The following RNF24 variants were observed in gnomAD, a reference collection of about 807,000 sequenced individuals.
The protein encoded by RNF24 is ring finger protein 24.
RNF24 carries 14 observed loss-of-function variants against 20.0 expected under a neutral mutation model. That is an observed-to-expected ratio of 0.70 (90% CI 0.46 to 1.10). The LOEUF (loss-of-function observed/expected upper bound fraction) is 1.10, where lower values mean the gene tolerates loss of function less well. RNF24 is among the 50% of genes least tolerant of loss of function. RNF24 has a pLI of 0.00. For missense variants in RNF24, 124 were observed against 177.6 expected, an observed-to-expected ratio of 0.70 and a Z score of 1.71; for synonymous variants, 45 against 61.1, an observed-to-expected ratio of 0.74 and a Z score of 1.23.
In RNF24 at chr20:3,939,256, G is replaced by T. The variant is rs187437572; in HGVS notation, c.229-4183C>A. On this transcript the variant is annotated intron_variant, in intron 4 of 5. Coordinates refer to ENST00000358395, the MANE Select transcript of RNF24 (RefSeq NM_001134337.3). The stretch of plus-strand genomic sequence containing the variant: ...GGAGCTTCCCCCTCAGCCCCCTGAG[G>T]AGCTGGGATTACAGGCATGTGTCAT... Among the ~76,000 whole-genome samples, 12 of 152,234 alleles carry T rather than the reference G, an allele frequency of 7.9e-5. No individual in the cohort carries two copies. The East Asian group carries it at 1.5e-3, about 20-fold the overall frequency.
At chr20:3,994,872 C>T (rs1980736796) in intron 1 of RNF24, among the ~76,000 whole-genome samples, 1 of 152,120 alleles carries the variant, frequency 6.6e-6, no homozygotes, top group South Asian at 2.1e-4. Context: ...ACTGCACGTA[C>T]TAAAAGTGAA....
At position 3,932,634 on chromosome 20, in the gene RNF24, G is replaced by C. The variant is rs1293092576; in HGVS notation, c.*1429C>G. The C allele has an allele frequency of 3.3e-6, 1 of 303,150 alleles. No homozygotes were observed. Among genetic ancestry groups the C allele is most frequent in the African/African-American group, 2.1e-5 (1 of 46,744 alleles). 18.8% of individuals were successfully genotyped at this position (303,150 alleles called of 1,614,324 possible). A position where few individuals can be genotyped will look rare whatever the true frequency, so the allele number is the denominator to read the frequency against. On this transcript the variant is annotated 3_prime_UTR_variant, in exon 6 of 6. Coordinates refer to ENST00000358395, the MANE Select transcript of RNF24 (RefSeq NM_001134337.3). The stretch of plus-strand genomic sequence containing the variant: ...TCCCTCCATCCATTCTCCATGTCAC[G>C]CAGACTGTATTCCTAATGAAAAACT...
chr20:3,954,848 G>A (rs1444336171), intron 2 of RNF24, among the ~76,000 whole-genome samples: 1 of 151,168 alleles, frequency 6.6e-6, no homozygotes, highest in South Asian at 2.1e-4. Flanking sequence ...GCAGTGAGCC[G>A]AGATCGCGCC....
At chr20:3,987,975 A>C (rs1416383005) in intron 1 of RNF24, among the ~76,000 whole-genome samples, 1 of 152,172 alleles carries the variant, frequency 6.6e-6, no homozygotes, top group Non-Finnish European at 1.5e-5. Context: ...CACATATGTA[A>C]GCATCTTCAC....
intron 1 of RNF24, among the ~76,000 whole-genome samples, chr20:3,982,904 T>C (rs1005517963): frequency 1.3e-5 from 2 of 152,112 alleles, no homozygotes; most frequent in African/African-American, 2.4e-5. Context: ...ACAAACAAAG[T>C]GAGACCTTTA....
intron 1 of RNF24, among the ~76,000 whole-genome samples, chr20:4,012,707 T>C (rs6084547): frequency 0.1 from 15,756 of 152,238 alleles, 1,135 homozygotes; most frequent in South Asian, 0.23. Flanking sequence ...TGCTAAACTA[T>C]GGGTTGGCAA....
At chr20:3,992,219 TTCCATGTCTTTGA>T (rs1203110222) in intron 1 of RNF24, among the ~76,000 whole-genome samples, 1 of 152,240 alleles carries the variant, frequency 6.6e-6, no homozygotes, top group Non-Finnish European at 1.5e-5. Flanking sequence ...CTAGGAAATC[TTCCATGTCTTTGA>T]TCTCTTTTGG....
At chr20:4,004,055 C>T (rs1329094002) in intron 1 of RNF24, among the ~76,000 whole-genome samples, 1 of 152,182 alleles carries the variant, frequency 6.6e-6, no homozygotes, top group Non-Finnish European at 1.5e-5. Flanking sequence ...TTTTCATCCT[C>T]ATTCTCCACT....
chr20:3,983,065 T>C (rs1166817687), intron 1 of RNF24, among the ~76,000 whole-genome samples: 1 of 152,224 alleles, frequency 6.6e-6, no homozygotes, highest in Non-Finnish European at 1.5e-5. Flanking sequence ...CCCTCCACCA[T>C]GTTATGATGC....
intron 1 of RNF24, among the ~76,000 whole-genome samples, chr20:3,971,128 A>G (rs1428163598): frequency 6.6e-6 from 1 of 152,222 alleles, no homozygotes; most frequent in East Asian, 1.9e-4. Flanking sequence ...AAAAATCTTG[A>G]AAGCAACTAA....
intron 1 of RNF24, among the ~76,000 whole-genome samples, chr20:3,983,599 G>A (rs1189219138): frequency 6.6e-6 from 1 of 152,062 alleles, no homozygotes; most frequent in East Asian, 1.9e-4. Context: ...TAAACACAGT[G>A]ACTTTCTGTG....
chr20:3,953,132 G>A (rs1285658569), intron 2 of RNF24, among the ~76,000 whole-genome samples: 1 of 152,096 alleles, frequency 6.6e-6, no homozygotes, highest in African/African-American at 2.4e-5. Flanking sequence ...TTGTGGGAAT[G>A]TTTTAAAAAT....
chr20:3,950,669 A>C (rs1461193555), intron 2 of RNF24, among the ~76,000 whole-genome samples: 2 of 152,240 alleles, frequency 1.3e-5, no homozygotes, highest in African/African-American at 2.4e-5. Context: ...TTTTAGACAG[A>C]AAAGTTGCAA....
At chr20:3,953,937 A>G (rs1017118085) in intron 2 of RNF24, among the ~76,000 whole-genome samples, 14 of 151,440 alleles carry the variant, frequency 9.2e-5, no homozygotes, top group Non-Finnish European at 1.8e-4. Context: ...TTATATTTTT[A>G]GTAGAGATGG....
At chr20:4,010,766 A>T (rs1336674823) in intron 1 of RNF24, among the ~76,000 whole-genome samples, 1 of 152,232 alleles carries the variant, frequency 6.6e-6, no homozygotes, top group Non-Finnish European at 1.5e-5. Context: ...ATGCCTAAAC[A>T]GTGGTCACAA....
Position 3,975,425 on chromosome 20 carries a change from G to GT in RNF24, c.-7-11402dup, listed in dbSNP as rs202158897. Among the ~76,000 whole-genome samples, 65 of 151,514 alleles carry GT rather than the reference G, an allele frequency of 4.3e-4. No individual in the cohort carries two copies. In the East Asian group the frequency reaches 5.6e-3, roughly 13 times the overall value. ...ACACTGGACTTCATTGAAATGAAATGTTTTTTTTGCTTTGAAAAACTGTCA... is the reference window on the plus strand; with the variant it reads ...ACACTGGACTTCATTGAAATGAAATGTTTTTTTTTGCTTTGAAAAACTGTCA... On this transcript the variant is annotated intron_variant, in intron 1 of 5. Coordinates refer to ENST00000358395, the MANE Select transcript of RNF24 (RefSeq NM_001134337.3).
rs2090798909 is a variant in RNF24, at chr20:3,930,032, A to ATG, written c.*4030_*4031insCA. ...ATGAGTAGAAAAGGAGAAAAATTAT[A>ATG]TAGACACACATACACATGTGTGTAC... On this transcript the variant is annotated 3_prime_UTR_variant, in exon 6 of 6. Coordinates refer to ENST00000358395, the MANE Select transcript of RNF24 (RefSeq NM_001134337.3). 6.6e-6 allele frequency: 1 copy of ATG among 152,218 alleles called. No individual in the cohort carries two copies. Among genetic ancestry groups the ATG allele is most frequent in the Admixed American group, 6.5e-5 (1 of 15,276 alleles). The allele number at this position is 152,218 out of a possible 1,614,324, so 9.4% of individuals were successfully genotyped here.
At chr20:3,967,722 G>A (rs141797378) in intron 1 of RNF24, among the ~76,000 whole-genome samples, 1 of 152,322 alleles carries the variant, frequency 6.6e-6, no homozygotes, top group African/African-American at 2.4e-5. Flanking sequence ...AGTGCCGGGT[G>A]CAGTGGCTCA....
intron 1 of RNF24, among the ~76,000 whole-genome samples, chr20:3,975,323 G>C (rs984194836): frequency 3.9e-5 from 6 of 152,050 alleles, no homozygotes; most frequent in Non-Finnish European, 8.8e-5. Context: ...CCTAAGAGAA[G>C]ATATTTGGGA....
Sources: allele counts gnomAD v4.1 joint callset (sites outside exome capture counted in the v4.1 genomes callset), GRCh38; gene constraint gnomAD v4.1.1; transcripts MANE v1.5; gene names NCBI Gene and HGNC (gene_info 2026-07-23, HGNC 2026-07-21).